ZSCAN31: variants seen among roughly 807,000 people sequenced by gnomAD.
ZSCAN31 encodes the protein zinc finger and SCAN domain containing 31.
In ZSCAN31, 14 loss-of-function variants were observed where a neutral mutation model predicts 22.5. The ratio of observed to expected loss-of-function variants is 0.62; its 90% CI spans 0.41 to 0.97. The LOEUF (loss-of-function observed/expected upper bound fraction) is 0.97, where lower values mean the gene tolerates loss of function less well. Ranked by LOEUF, ZSCAN31 falls within the 50% of genes least tolerant of loss-of-function variation. The pLI is 0.00. For synonymous variants in ZSCAN31, 168 were observed against 169.8 expected (o/e 0.99, Z 0.08); for missense variants, 424 against 483.4 (o/e 0.88, Z 1.15).
intron 1 of ZSCAN31, chr6:28,332,287 C>T (rs186922929): frequency 6.6e-6 from 1 of 152,338 alleles, no homozygotes; most frequent in Non-Finnish European, 1.5e-5. Flanking sequence ...GGACTTACCA[C>T]AAAATTATGA....
Position 28,331,418 on chromosome 6 carries a change from A to G in ZSCAN31, c.-95-1640T>C, listed in dbSNP as rs558715805. Reference sequence around the variant, plus strand: ...AAATGCATTTATTCAATTCATTCCAATATTATGTGTCTACTAGGTGTCTGG... The same window carrying G: ...AAATGCATTTATTCAATTCATTCCAGTATTATGTGTCTACTAGGTGTCTGG... On this transcript the variant is annotated intron_variant, in intron 1 of 3. Transcript: ENST00000344279. This position sits in a 1 kb window ranked among gnomAD's most constrained non-coding sequence, Gnocchi z 4.8. Among the ~76,000 whole-genome samples the G allele has an allele frequency of 2.6e-5, 4 of 152,288 alleles. No homozygotes were observed. The highest frequency in any genetic ancestry group is 4.2e-4 in the South Asian group (2 of 4,818).
rs1308955463 is a variant in ZSCAN31, at chr6:28,349,224, T to C, written c.-371+4638A>G. On this transcript the variant is annotated intron_variant, in intron 2 of 7. Coordinates refer to the ZSCAN31 transcript ENST00000396838. The surrounding 1 kb of genome is among the most constrained non-coding windows in gnomAD (Gnocchi z 4.1). ...TAGGTGTATATATATGTCTCATATA[T>C]ATAGGTGTATATATATGTCTCATAT... Among the ~76,000 whole-genome samples, 1 of 127,644 alleles carries C rather than the reference T, an allele frequency of 7.8e-6. No individual in the cohort carries two copies. The highest frequency in any genetic ancestry group is 7.9e-5 in the Admixed American group (1 of 12,600). The allele number at this position is 127,644 out of a possible 152,430, so 83.7% of individuals were successfully genotyped here.
chr6:28,353,725 G>A, intron 2 of ZSCAN31: 1 of 421,000 alleles, frequency 2.4e-6, no homozygotes, highest in East Asian at 7.2e-5. Flanking sequence ...AACCTTGCGA[G>A]TGATTAAAGA....
rs1029801390 is a variant in ZSCAN31 at position 28,331,234 on chromosome 6, T to C, written c.-95-1456A>G. Among the ~76,000 whole-genome samples, 1 of 152,206 alleles carries C rather than the reference T, an allele frequency of 6.6e-6. No homozygotes were observed. The highest frequency in any genetic ancestry group is 2.1e-4 in the South Asian group (1 of 4,834). The stretch of plus-strand genomic sequence containing the variant: ...GAAATGGTAAGAATATGTTGCAAGG[T>C]TGTGGCCATTTAAGTTGGGAAGTTT... On this transcript the variant is annotated intron_variant, in intron 1 of 3. Transcript: ENST00000344279. This position sits in a 1 kb window ranked among gnomAD's most constrained non-coding sequence, Gnocchi z 4.8.
chr6:28,354,310 G>T (rs1013291491), upstream of ZSCAN31: 2 of 218,594 alleles, frequency 9.1e-6, no homozygotes, highest in Admixed American at 1.0e-4. Context: ...GGAGTGGTGC[G>T]CCTGCGTTCC....
chr6:28,355,370 C>T (rs1476203773), upstream of ZSCAN31: 2 of 152,200 alleles, frequency 1.3e-5, no homozygotes, highest in African/African-American at 4.8e-5. Context: ...CCCATCCTGC[C>T]AGGCTGTCAC....
chr6:28,349,312 G>A lies in ZSCAN31; in HGVS notation c.-371+4550C>T, dbSNP rs535033374. Among the ~76,000 whole-genome samples the A allele has an allele frequency of 6.6e-6, 1 of 151,820 alleles. No individual in the cohort carries two copies. Among genetic ancestry groups the A allele is most frequent in the South Asian group, 2.1e-4 (1 of 4,808 alleles). On this transcript the variant is annotated intron_variant, in intron 2 of 7. Coordinates refer to the ZSCAN31 transcript ENST00000396838. This position sits in a 1 kb window ranked among gnomAD's most constrained non-coding sequence, Gnocchi z 4.1. ...TAAAGTTACTAATGTTTCCATTCAGGTATCTTTTGTAAGTATTTGCTTCTG... is the reference window on the plus strand; with the variant it reads ...TAAAGTTACTAATGTTTCCATTCAGATATCTTTTGTAAGTATTTGCTTCTG...
Position 28,326,430 on chromosome 6 carries a change from C to A in ZSCAN31, c.957G>T (p.Gly319=). The change falls in exon 4 of 4, where the codon GGG becomes GGT. Residue 319 remains glycine (G), a synonymous_variant. Coordinates refer to ENST00000344279, the MANE Select transcript of ZSCAN31 (RefSeq NM_030899.5). ...GLTRHRRIHT[G]EKPYECKVCG... ...ACACTTTGCATTCATATGGTTTTTC[C>A]CCTGTGTGGATTCTTCTGTGTCGAG... 6.2e-7 allele frequency: 1 copy of A among 1,614,032 alleles called. No individual in the cohort carries two copies. Among genetic ancestry groups the A allele is most frequent in the Non-Finnish European group, 8.5e-7 (1 of 1,179,968 alleles).
Position 28,327,415 on chromosome 6 carries a change from T to A in ZSCAN31, c.500A>T (p.Glu167Val). Residue 167 changes from glutamate to valine, a missense_variant, in exon 3 of 4, where the codon GAA becomes GTA. Transcript: ENST00000344279. Reference protein sequence around the residue: ...LQPMVTQLRYESFCLHQFQEQ... With the variant: ...LQPMVTQLRYVSFCLHQFQEQ... ...TTGAAATTGGTGGAGGCAAAAAGATTCATATCTGAGCTGTGTCACCATAGG... is the reference window on the plus strand; with the variant it reads ...TTGAAATTGGTGGAGGCAAAAAGATACATATCTGAGCTGTGTCACCATAGG... The A allele has an allele frequency of 6.2e-7, 1 of 1,614,060 alleles. No homozygotes were observed. Among genetic ancestry groups the A allele is most frequent in the Non-Finnish European group, 8.5e-7 (1 of 1,180,004 alleles).
Position 28,329,633 on chromosome 6 carries a change from T to C in ZSCAN31, c.51A>G (p.Glu17=), listed in dbSNP as rs1368565514. ...GGGTTTCTTGGTCCCAGATAGGGTC[T>C]TCCTCCACTTTCACAATCTTAAGAT... ...QYDLKIVKVE[E]DPIWDQETHL... Residue 17 remains glutamate, a synonymous_variant, in exon 2 of 4, where the codon GAA becomes GAG. Transcript: ENST00000344279. The C allele has an allele frequency of 1.9e-6, 3 of 1,614,184 alleles. No individual in the cohort carries two copies. The Admixed American group carries it at 5.0e-5, about 27-fold the overall frequency.
chr6:28,346,960 G>A (rs972945277), intron 2 of ZSCAN31, among the ~76,000 whole-genome samples: 15 of 152,184 alleles, frequency 9.9e-5, no homozygotes, highest in South Asian at 4.1e-4. Flanking sequence ...TATACCAAAC[G>A]AACAGGAGAG....
chr6:28,351,669 C>T lies in ZSCAN31; in HGVS notation c.-371+2193G>A, dbSNP rs561595255. The stretch of plus-strand genomic sequence containing the variant: ...TTGTCTCCCTCCTTCCCTTTTACTT[C>T]CTCCCTCTTTCCCTCTCTCCTTTCT... On this transcript the variant is annotated intron_variant, in intron 2 of 7. Transcript: ENST00000396838. The surrounding 1 kb of genome is among the most constrained non-coding windows in gnomAD (Gnocchi z 4.6). 2.0e-5 allele frequency among the ~76,000 whole-genome samples: 3 copies of T among 151,438 alleles called. No individual in the cohort carries two copies. The highest frequency in any genetic ancestry group is 4.4e-5 in the Non-Finnish European group (3 of 67,826).
At chr6:28,346,039 A>G (rs1012654677) in intron 2 of ZSCAN31, among the ~76,000 whole-genome samples, 3 of 152,148 alleles carry the variant, frequency 2.0e-5, no homozygotes, top group African/African-American at 7.2e-5. Context: ...TGTGCTTTCT[A>G]TGTACCCTCT....
upstream of ZSCAN31, among the ~76,000 whole-genome samples, chr6:28,337,516 A>G (rs1291699966): frequency 6.6e-6 from 1 of 152,178 alleles, no homozygotes; most frequent in Non-Finnish European, 1.5e-5. Flanking sequence ...TAGAGAAGAC[A>G]GATAATACAT....
intron 2 of ZSCAN31, among the ~76,000 whole-genome samples, chr6:28,345,040 G>C (rs1296584094): frequency 6.6e-6 from 1 of 151,408 alleles, no homozygotes; most frequent in South Asian, 2.1e-4. Context: ...AGCTACACAG[G>C]GGGCTGAGGC....
At chr6:28,342,976 T>G (rs1764474919) in intron 2 of ZSCAN31, among the ~76,000 whole-genome samples, 2 of 152,218 alleles carry the variant, frequency 1.3e-5, no homozygotes, top group Admixed American at 1.3e-4. Context: ...CCAAAGCTTT[T>G]TAGGATGAAC....
intron 2 of ZSCAN31, among the ~76,000 whole-genome samples, chr6:28,344,919 C>T (rs997522185): frequency 4.7e-5 from 7 of 150,434 alleles, no homozygotes; most frequent in South Asian, 2.1e-4. Context: ...CACTTGAGGT[C>T]GGGAACTCCA....
At chr6:28,346,460 C>T (rs1764647560) in intron 2 of ZSCAN31, among the ~76,000 whole-genome samples, 1 of 149,488 alleles carries the variant, frequency 6.7e-6, no homozygotes, top group South Asian at 2.1e-4. Context: ...CAGGTTCAAG[C>T]GATTCTCATG....
At position 28,326,679 on chromosome 6, in the gene ZSCAN31, C is replaced by G; in HGVS notation, c.708G>C (p.Glu236Asp). 1 of 1,614,236 alleles carries G rather than the reference C, an allele frequency of 6.2e-7. No individual in the cohort carries two copies. The highest frequency in any genetic ancestry group is 8.5e-7 in the Non-Finnish European group (1 of 1,180,044). ...CACATTCATTGCACCTGTGGCGTCT[C>G]TCTCCAGTGGAATGTGCCTGCTGCT... ...AEKQQAHSTG[E>D]RRHRCNECGK... The change falls in exon 4 of 4, where the codon GAG becomes GAC. Residue 236 changes from glutamate to aspartate, a missense_variant. Transcript: ENST00000344279.
Sources: gnomAD v4.1 joint callset for allele counts (sites outside exome capture counted in the v4.1 genomes callset) on GRCh38, gnomAD v4.1.1 for gene constraint, Gnocchi (gnomAD v3.1) non-coding constraint, MANE v1.5 for transcripts, NCBI Gene and HGNC (gene_info 2026-07-23, HGNC 2026-07-21) for gene names.